Variants in RPRD2 observed in about 807,000 individuals in gnomAD.
The protein encoded by RPRD2 is regulation of nuclear pre-mRNA domain-containing protein 2.
In RPRD2, 12 loss-of-function variants were observed where a neutral mutation model predicts 104.4. That is an observed-to-expected ratio of 0.11 (90% CI 0.07 to 0.19). The LOEUF (loss-of-function observed/expected upper bound fraction) is 0.19. Among genes scored for constraint, RPRD2 ranks in the 10% least tolerant of loss-of-function variants. RPRD2 has a pLI of 1.00. For synonymous variants in RPRD2, 714 were observed against 684.9 expected, an observed-to-expected ratio of 1.04 and a Z score of -0.66; for missense variants, 1,543 against 1,790.1, an observed-to-expected ratio of 0.86 and a Z score of 2.49.
At chr1:150,407,717 G>A (rs1438504005) in intron 1 of RPRD2, among the ~76,000 whole-genome samples, 2 of 152,154 alleles carry the variant, frequency 1.3e-5, no homozygotes, top group Non-Finnish European at 2.9e-5. Context: ...AGGAAGTTGG[G>A]AGATTTATCT....
chr1:150,400,077 T>G (rs1273958490), intron 1 of RPRD2, among the ~76,000 whole-genome samples: 3 of 152,238 alleles, frequency 2.0e-5, no homozygotes, highest in Non-Finnish European at 4.4e-5. Context: ...CAGTGTTTGC[T>G]TTTCAGCATA....
chr1:150,376,938 C>T (rs1660741622), intron 1 of RPRD2, among the ~76,000 whole-genome samples: 1 of 151,424 alleles, frequency 6.6e-6, no homozygotes, highest in South Asian at 2.1e-4. Context: ...TGGCCGGGCG[C>T]TGTGGCTCAC....
intron 1 of RPRD2, chr1:150,408,942 G>A (rs1002594686): frequency 2.6e-5 from 4 of 152,152 alleles, no homozygotes; most frequent in African/African-American, 9.7e-5. Flanking sequence ...TCGTGCTGAT[G>A]CCCTTTCCAT....
Position 150,474,654 on chromosome 1 carries a change from A to G in RPRD2, c.*1320A>G, listed in dbSNP as rs1368814040. 6.6e-6 allele frequency: 1 copy of G among 152,062 alleles called. No homozygotes were observed. Among genetic ancestry groups the G allele is most frequent in the Non-Finnish European group, 1.5e-5 (1 of 68,012 alleles). 9.4% of individuals were successfully genotyped at this position (152,062 alleles called of 1,614,324 possible). On this transcript the variant is annotated 3_prime_UTR_variant, in exon 11 of 11. Coordinates refer to ENST00000369068, the MANE Select transcript of RPRD2 (RefSeq NM_015203.5). ...CTGTACTTTGAGTGTTTATATCTTT[A>G]TATCTAGGGACACTGAAAAGTAAAT...
chr1:150,463,471 A>G (rs587772629), intron 9 of RPRD2, among the ~76,000 whole-genome samples: 1 of 152,360 alleles, frequency 6.6e-6, no homozygotes, highest in South Asian at 2.1e-4. Context: ...GCAGTCTACA[A>G]ATCCAGCCTT....
intron 4 of RPRD2, 144 bp from the exon 5 acceptor site, chr1:150,443,087 C>T: frequency 5.1e-6 from 3 of 592,096 alleles, no homozygotes; most frequent in Non-Finnish European, 9.0e-6. Flanking sequence ...TTTCCTAGTC[C>T]ATTATTTATT....
chr1:150,402,167 C>T (rs890256597), intron 1 of RPRD2, among the ~76,000 whole-genome samples: 1 of 151,988 alleles, frequency 6.6e-6, no homozygotes, highest in Non-Finnish European at 1.5e-5. Flanking sequence ...ACCATCTTGG[C>T]CAGGCTGGTC....
chr1:150,434,272 C>T (rs1665847311), intron 2 of RPRD2, among the ~76,000 whole-genome samples: 2 of 152,150 alleles, frequency 1.3e-5, no homozygotes, highest in Non-Finnish European at 2.9e-5. Context: ...AAGAAAATTG[C>T]TTGAGCCTGG....
intron 1 of RPRD2, among the ~76,000 whole-genome samples, chr1:150,396,032 A>C (rs1223068378): frequency 6.6e-6 from 1 of 151,590 alleles, no homozygotes; most frequent in Non-Finnish European, 1.5e-5. Flanking sequence ...GATCATGGCC[A>C]CTCTTGGAGG....
chr1:150,442,033 A>G (rs587695924), intron 4 of RPRD2, 75 bp downstream of exon 4: 2 of 1,168,596 alleles, frequency 1.7e-6, no homozygotes, highest in African/African-American at 1.5e-5. Context: ...ACCATTTGAC[A>G]TCGTACCTGG....
chr1:150,384,759 G>A (rs1174258263), intron 1 of RPRD2, among the ~76,000 whole-genome samples: 1 of 151,288 alleles, frequency 6.6e-6, no homozygotes, highest in African/African-American at 2.4e-5. Context: ...CACCTGCCTC[G>A]GCCTCCCAAA....
chr1:150,432,233 T>C (rs1553891998), intron 2 of RPRD2, among the ~76,000 whole-genome samples: 1 of 147,702 alleles, frequency 6.8e-6, no homozygotes, highest in East Asian at 2.0e-4. Context: ...GGTTGAACCA[T>C]GAAAACATGC....
At chr1:150,469,935 A>C (rs1314318776) in intron 10 of RPRD2, among the ~76,000 whole-genome samples, 1 of 152,184 alleles carries the variant, frequency 6.6e-6, no homozygotes, top group African/African-American at 2.4e-5. Flanking sequence ...TTTTACAACC[A>C]AAACGGATGG....
chr1:150,380,323 T>C (rs1201337784), intron 1 of RPRD2, among the ~76,000 whole-genome samples: 1 of 152,142 alleles, frequency 6.6e-6, no homozygotes, highest in African/African-American at 2.4e-5. Flanking sequence ...TCCTTGGAGG[T>C]TGACCTTATG....
At chr1:150,460,391 G>A in intron 9 of RPRD2, 74 bp downstream of exon 9, 2 of 1,383,676 alleles carry the variant, frequency 1.4e-6, no homozygotes, top group Admixed American at 2.2e-5. Context: ...CTGTTTTTGG[G>A]GGGGTTGTTG....
In RPRD2 at chr1:150,457,661, G is replaced by T. The variant is rs145750529; in HGVS notation, c.1153+91G>T. 5.3e-4 allele frequency: 591 copies of T among 1,117,584 alleles called. 3 individuals carry two copies. In the African/African-American group the frequency reaches 8.2e-3, roughly 15 times the overall value. 69.2% of individuals were successfully genotyped at this position (1,117,584 alleles called of 1,614,324 possible). ...CATCACAGGCAGGTATTGAAAGATA[G>T]TTCATTTCTTAAAAGATAGAACACC... is the stretch of plus-strand genomic sequence containing the variant. On this transcript the variant is annotated intron_variant, in intron 8 of 10. Coordinates refer to ENST00000369068, the MANE Select transcript of RPRD2 (RefSeq NM_015203.5).
At chr1:150,396,210 T>G (rs1257539806) in intron 1 of RPRD2, among the ~76,000 whole-genome samples, 2 of 151,922 alleles carry the variant, frequency 1.3e-5, no homozygotes, top group Admixed American at 6.6e-5. Context: ...TTTTTTTTTT[T>G]TTTGGTAATT....
At position 150,473,315 on chromosome 1, in the gene RPRD2, T is replaced by C. The variant is rs1668726420; in HGVS notation, c.4367T>C (p.Phe1456Ser). Reference sequence around the variant, plus strand: ...CCGTTCTTTGCACCAAAACGCCCATTCTTCCCTCCCAGGTACTGATGGAAA... The same window carrying C: ...CCGTTCTTTGCACCAAAACGCCCATCCTTCCCTCCCAGGTACTGATGGAAA... The part of the protein sequence containing the change: ...GPPFFAPKRP[F>S]FPPRY The change falls in exon 11 of 11, where the codon TTC becomes TCC. Residue 1456 changes from phenylalanine (F) to serine (S), a missense_variant. Coordinates refer to ENST00000369068, the MANE Select transcript of RPRD2 (RefSeq NM_015203.5). 3 of 1,611,956 alleles carry C rather than the reference T, an allele frequency of 1.9e-6. No individual in the cohort carries two copies. The highest frequency in any genetic ancestry group is 2.2e-5 in the South Asian group (2 of 90,938).
chr1:150,394,976 A>T (rs1405599929), intron 1 of RPRD2, among the ~76,000 whole-genome samples: 1 of 152,242 alleles, frequency 6.6e-6, no homozygotes, highest in Non-Finnish European at 1.5e-5. Flanking sequence ...TGACCATAGT[A>T]TAGGGAAATA....
Sources: allele counts gnomAD v4.1 joint callset (sites outside exome capture counted in the v4.1 genomes callset), GRCh38; gene constraint gnomAD v4.1.1; transcripts MANE v1.5; gene names NCBI Gene and HGNC (gene_info 2026-07-23, HGNC 2026-07-21).